CNBP: variants seen among roughly 807,000 people sequenced by gnomAD.
The protein encoded by CNBP is cellular nucleic acid-binding protein.
CNBP carries 6 observed loss-of-function variants against 21.2 expected under a neutral mutation model. The observed-to-expected ratio is 0.28, with a 90% CI of 0.16 to 0.56. The LOEUF is 0.56. Ranked by LOEUF, CNBP falls within the 20% of genes least tolerant of loss-of-function variation. CNBP has a pLI of 0.93. For missense variants in CNBP, 112 were observed against 233.1 expected (o/e 0.48, Z 3.38); for synonymous variants, 61 against 74.9 (o/e 0.81, Z 0.96).
intron 1 of CNBP, among the ~76,000 whole-genome samples, chr3:129,177,190 A>C (rs1000112184): frequency 1.3e-5 from 2 of 152,212 alleles, no homozygotes; most frequent in Admixed American, 1.3e-4. Context: ...AAAACACTTA[A>C]GTTTCTTCCT....
chr3:129,172,640 GCAGGCAGGCAGGCAGGCAGACAGACAGA>G (rs1247521342), intron 1 of CNBP, among the ~76,000 whole-genome samples: 1 of 34,314 alleles, frequency 2.9e-5, no homozygotes, highest in African/African-American at 6.5e-5. Flanking sequence ...AGGCAGGCAG[GCAGGCAGGCAGGCAGGCAGACAGACAGA>G]CAGACAGACA....
rs879382497 is a variant in CNBP, at chr3:129,172,569, GAGAC to G, written c.-14-802_-14-799del. Among the ~76,000 whole-genome samples the G allele has an allele frequency of 3.7e-3, 544 of 147,896 alleles. 2 individuals carry two copies. The highest frequency in any genetic ancestry group is 5.9e-3 in the African/African-American group (227 of 38,458). ...TGCACTCCAGCCTAGGGGACAAAGT[GAGAC>G]AGACAGGCAGGCAGGCAGGCAGGCA... On this transcript the variant is annotated intron_variant, in intron 1 of 4. Coordinates refer to ENST00000422453, the MANE Select transcript of CNBP (RefSeq NM_003418.5).
intron 1 of CNBP, among the ~76,000 whole-genome samples, chr3:129,177,114 T>C (rs1418895142): frequency 6.6e-6 from 1 of 152,224 alleles, no homozygotes; most frequent in Non-Finnish European, 1.5e-5. Context: ...TTATGCAAGC[T>C]ACAAACATAC....
Position 129,170,321 on chromosome 3 carries a change from C to T in CNBP, c.*132G>A. 1.3e-6 allele frequency: 1 copy of T among 754,106 alleles called. No individual in the cohort carries two copies. The highest frequency in any genetic ancestry group is 1.7e-5 in the South Asian group (1 of 60,506). The allele number at this position is 754,106 out of a possible 1,614,324, so 46.7% of individuals were successfully genotyped here. A position where few individuals can be genotyped will look rare whatever the true frequency, so the allele number is the denominator to read the frequency against. ...GTCGGTTTTTTTCCACCCCTTTCCTCCTTTTACACGGCAAGTAAAGCTCAC... is the reference window on the plus strand; with the variant it reads ...GTCGGTTTTTTTCCACCCCTTTCCTTCTTTTACACGGCAAGTAAAGCTCAC... On this transcript the variant is annotated 3_prime_UTR_variant, in exon 5 of 5. Coordinates refer to ENST00000422453, the MANE Select transcript of CNBP (RefSeq NM_003418.5).
chr3:129,180,077 A>C (rs1259812663), intron 1 of CNBP, among the ~76,000 whole-genome samples: 1 of 152,218 alleles, frequency 6.6e-6, no homozygotes, highest in Non-Finnish European at 1.5e-5. Context: ...ATATATGACA[A>C]AAATGCTATT....
Position 129,168,055 on chromosome 3 carries a change from C to A in CNBP, c.*2398G>T, listed in dbSNP as rs1937486910. Among the ~76,000 whole-genome samples the A allele has an allele frequency of 6.6e-6, 1 of 152,104 alleles. No homozygotes were observed. Among genetic ancestry groups the A allele is most frequent in the South Asian group, 2.1e-4 (1 of 4,832 alleles). On this transcript the variant is annotated 3_prime_UTR_variant, in exon 5 of 5. Coordinates refer to ENST00000422453, the MANE Select transcript of CNBP (RefSeq NM_003418.5). ...ATCACTATACCATGAACTGACAGAA[C>A]CCTGCATGAAGGATGAAAAACTCAT... is the stretch of plus-strand genomic sequence containing the variant.
At position 129,168,219 on chromosome 3, in the gene CNBP, C is replaced by T. The variant is rs772724600; in HGVS notation, c.*2234G>A. On this transcript the variant is annotated 3_prime_UTR_variant, in exon 5 of 5. Transcript: ENST00000422453. ...GAAGTTCCAGGCTCTAACTGTACATCCTTAAGTAAATTAAGTTTAACTCAT... is the reference window on the plus strand; with the variant it reads ...GAAGTTCCAGGCTCTAACTGTACATTCTTAAGTAAATTAAGTTTAACTCAT... 3.3e-5 allele frequency among the ~76,000 whole-genome samples: 5 copies of T among 152,098 alleles called. No individual in the cohort carries two copies. The highest frequency in any genetic ancestry group is 9.7e-5 in the African/African-American group (4 of 41,408).
At position 129,176,462 on chromosome 3, in the gene CNBP, G is replaced by A. The variant is rs113172594; in HGVS notation, c.-14-4691C>T. Among the ~76,000 whole-genome samples, 88 of 152,054 alleles carry A rather than the reference G, an allele frequency of 5.8e-4. 1 individual carries two copies. Among genetic ancestry groups the A allele is most frequent in the African/African-American group, 2.1e-3 (86 of 41,444 alleles). On this transcript the variant is annotated intron_variant, in intron 1 of 4. Coordinates refer to ENST00000422453, the MANE Select transcript of CNBP (RefSeq NM_003418.5). ...CCAAGTAATTCACCTTTGAATCATC[G>A]AACACCCCATATAGTTATCCTTTTA...
At chr3:129,172,608 ACAGG>A (rs1276952747) in intron 1 of CNBP, among the ~76,000 whole-genome samples, 2 of 31,878 alleles carry the variant, frequency 6.3e-5, no homozygotes, top group Admixed American at 3.3e-4. Flanking sequence ...AGGCAGGCAG[ACAGG>A]CAGACAGGCA....
intron 1 of CNBP, 37 bp from the exon 2 acceptor site, chr3:129,171,808 A>G: frequency 1.9e-6 from 3 of 1,573,732 alleles, no homozygotes; most frequent in Non-Finnish European, 8.6e-7. Context: ...TAAACCACTG[A>G]AAGTTCTTTT....
intron 1 of CNBP, among the ~76,000 whole-genome samples, chr3:129,174,637 T>TTACA (rs1937773297): frequency 7.2e-6 from 1 of 139,408 alleles, no homozygotes; most frequent in South Asian, 2.3e-4. Flanking sequence ...CCAACGTGGG[T>TTACA]TACAAGAGTG....
intron 1 of CNBP, among the ~76,000 whole-genome samples, chr3:129,174,133 T>C (rs1937721211): frequency 6.6e-6 from 1 of 152,040 alleles, no homozygotes; most frequent in African/African-American, 2.4e-5. Context: ...CCTATGAACA[T>C]ATTACCAAAA....
Position 129,169,540 on chromosome 3 carries a change from G to A in CNBP, c.*913C>T, listed in dbSNP as rs1464557482. On this transcript the variant is annotated 3_prime_UTR_variant, in exon 5 of 5. Coordinates refer to ENST00000422453, the MANE Select transcript of CNBP (RefSeq NM_003418.5). ...GGTATTTTGCACTATATACATTAAT[G>A]AAAATTTGAAACAAACAAAAAGAAC... The A allele has an allele frequency of 4.9e-6, 1 of 203,750 alleles. No homozygotes were observed. The highest frequency in any genetic ancestry group is 2.3e-5 in the African/African-American group (1 of 43,664). The allele number at this position is 203,750 out of a possible 1,614,324, so 12.6% of individuals were successfully genotyped here. A position where few individuals can be genotyped will look rare whatever the true frequency, so the allele number is the denominator to read the frequency against.
chr3:129,182,434 T>C (rs1938362345), intron 1 of CNBP, among the ~76,000 whole-genome samples: 1 of 152,100 alleles, frequency 6.6e-6, no homozygotes, highest in Non-Finnish European at 1.5e-5. Context: ...TCACTTCCTT[T>C]GGAAGTGCCC....
intron 4 of CNBP, 49 bp downstream of exon 4, chr3:129,171,030 G>C: frequency 6.4e-7 from 1 of 1,558,906 alleles, no homozygotes; most frequent in Non-Finnish European, 8.7e-7. Context: ...TTCATCTCTG[G>C]AAGAATCTCT....
chr3:129,177,549 C>G (rs912634552), intron 1 of CNBP, among the ~76,000 whole-genome samples: 1 of 152,178 alleles, frequency 6.6e-6, no homozygotes, highest in Admixed American at 6.5e-5. Context: ...CTTCCACTTT[C>G]GCCAATTACC....
chr3:129,180,797 G>GA (rs1381418494), intron 1 of CNBP, among the ~76,000 whole-genome samples: 2 of 149,128 alleles, frequency 1.3e-5, no homozygotes, highest in African/African-American at 2.5e-5. Flanking sequence ...TCCCTGCAAG[G>GA]AAAAAAAAGC....
Position 129,170,345 on chromosome 3 carries a change from A to T in CNBP, c.*108T>A. The T allele has an allele frequency of 1.1e-6, 1 of 890,012 alleles. No homozygotes were observed. Among genetic ancestry groups the T allele is most frequent in the Non-Finnish European group, 1.9e-6 (1 of 540,512 alleles). The allele number at this position is 890,012 out of a possible 1,614,324, so 55.1% of individuals were successfully genotyped here. A position where few individuals can be genotyped will look rare whatever the true frequency, so the allele number is the denominator to read the frequency against. Reference sequence around the variant, plus strand: ...TCCTTTTACACGGCAAGTAAAGCTCACTGGCCTGGGAGTTGCCTCTATCTG... The same window carrying T: ...TCCTTTTACACGGCAAGTAAAGCTCTCTGGCCTGGGAGTTGCCTCTATCTG... On this transcript the variant is annotated 3_prime_UTR_variant, in exon 5 of 5. Transcript: ENST00000422453.
At position 129,172,366 on chromosome 3, in the gene CNBP, G is replaced by A. The variant is rs144178862; in HGVS notation, c.-14-595C>T. ...GGAGGCTGAAGCGGGTGGACCATCTGAGGTCAGGAGTTTGAGACCAGTCTG... is the reference window on the plus strand; with the variant it reads ...GGAGGCTGAAGCGGGTGGACCATCTAAGGTCAGGAGTTTGAGACCAGTCTG... On this transcript the variant is annotated intron_variant, in intron 1 of 4. Coordinates refer to ENST00000422453, the MANE Select transcript of CNBP (RefSeq NM_003418.5). Among the ~76,000 whole-genome samples, 104 of 151,918 alleles carry A rather than the reference G, an allele frequency of 6.8e-4. No homozygotes were observed. The East Asian group carries it at 0.019, about 28-fold the overall frequency.
Sources: gnomAD v4.1 joint callset for allele counts (sites outside exome capture counted in the v4.1 genomes callset) on GRCh38, gnomAD v4.1.1 for gene constraint, MANE v1.5 for transcripts, NCBI Gene and HGNC (gene_info 2026-07-23, HGNC 2026-07-21) for gene names.